The following ARHGEF1 variants were observed in gnomAD, a reference collection of about 807,000 sequenced individuals.
ARHGEF1 encodes Rho guanine nucleotide exchange factor 1, also known as 115 kDa guanine nucleotide exchange factor.
In ARHGEF1, 40 loss-of-function variants were observed where a neutral mutation model predicts 119.7. The observed-to-expected ratio is 0.33, with a 90% CI of 0.26 to 0.44. The LOEUF (loss-of-function observed/expected upper bound fraction) is 0.44, where lower values mean the gene tolerates loss of function less well. Among genes scored for constraint, ARHGEF1 ranks in the 20% least tolerant of loss-of-function variants. The probability of loss-of-function intolerance (pLI) is 1.00; values close to 1 mark genes in which losing one functional copy is unlikely to be tolerated. For synonymous variants in ARHGEF1, 494 were observed against 521.0 expected (o/e 0.95, Z 0.71); for missense variants, 976 against 1,268.3 (o/e 0.77, Z 3.50).
intron 12 of ARHGEF1, among the ~76,000 whole-genome samples, chr19:41,896,039 A>G (rs1200332565): frequency 6.6e-6 from 1 of 152,144 alleles, no homozygotes; most frequent in Non-Finnish European, 1.5e-5. Flanking sequence ...GGATGAATGG[A>G]CGTGGAGGCA....
chr19:41,898,211 G>A (rs782150977), intron 13 of ARHGEF1: 24 of 1,375,630 alleles, frequency 1.7e-5, no homozygotes, highest in South Asian at 4.6e-5. Context: ...GTTGGAGACC[G>A]AGGTCATTGA....
rs782019492 is a variant in ARHGEF1 at position 41,903,450 on chromosome 19, G to A, written c.1839+43G>A. 2 of 1,581,802 alleles carry A rather than the reference G, an allele frequency of 1.3e-6. No homozygotes were observed. The highest frequency in any genetic ancestry group is 1.7e-6 in the Non-Finnish European group (2 of 1,152,936). On this transcript the variant is annotated intron_variant, in intron 19 of 28. Transcript: ENST00000354532. The surrounding 1 kb of genome is among the most constrained non-coding windows in gnomAD (Gnocchi z 4.2). ...CCACACCCGGGACAGTGGATGGTGT[G>A]AGAGCAGGGGGTGGACCCTACCTCA...
chr19:41,918,800 TAC>T (rs1339674304), upstream of ARHGEF1, among the ~76,000 whole-genome samples: 8 of 131,390 alleles, frequency 6.1e-5, no homozygotes, highest in South Asian at 7.5e-4. Flanking sequence ...ATACACACCA[TAC>T]ACACACACCA....
downstream of ARHGEF1, chr19:41,908,379 C>G (rs1234997514): frequency 3.2e-6 from 4 of 1,231,248 alleles, no homozygotes; most frequent in Admixed American, 8.4e-5. The surrounding 1 kb of genome is among the most constrained non-coding windows in gnomAD (Gnocchi z 6.7). Flanking sequence ...CTCTGGACCC[C>G]CAGCCCCTGG....
rs144745694 is a variant in ARHGEF1 at position 41,905,946 on chromosome 19, C to T, written c.2412C>T (p.Thr804=). The change falls in exon 26 of 29, where the codon ACC becomes ACT. Residue 804 remains threonine, a synonymous_variant. Transcript: ENST00000354532. This position sits in a 1 kb window ranked among gnomAD's most constrained non-coding sequence, Gnocchi z 6.4. ...GRETSPADAR[T]ERILSDLLPF... is the part of the protein sequence containing the mutation. ...CTCTGTTCCCCAATCCAGCCCGGAC[C>T]GAGAGAATCCTCAGTGACCTCCTGC... The T allele has an allele frequency of 1.3e-3, 2,101 of 1,614,108 alleles. 1 individual carries two copies. Among genetic ancestry groups the T allele is most frequent in the Non-Finnish European group, 1.6e-3 (1,862 of 1,179,998 alleles).
chr19:41,884,332 G>T lies in ARHGEF1; in HGVS notation c.-20+1043G>T. On this transcript the variant is annotated intron_variant, in intron 1 of 28. Coordinates refer to ENST00000354532, the MANE Select transcript of ARHGEF1 (RefSeq NM_004706.4). Reference sequence around the variant, plus strand: ...GAGTCGTCGGGGCCGGAGCCCGGCAGGAGCCGGGCTAGAGCGGCTGGCAGG... The same window carrying T: ...GAGTCGTCGGGGCCGGAGCCCGGCATGAGCCGGGCTAGAGCGGCTGGCAGG... The T allele has an allele frequency of 2.3e-6, 3 of 1,295,832 alleles. No homozygotes were observed. In the Admixed American group the frequency reaches 6.6e-5, roughly 28 times the overall value. The allele number at this position is 1,295,832 out of a possible 1,614,324, so 80.3% of individuals were successfully genotyped here. A position where few individuals can be genotyped will look rare whatever the true frequency, so the allele number is the denominator to read the frequency against.
At chr19:41,920,374 G>A (rs1047495613), upstream of ARHGEF1, among the ~76,000 whole-genome samples, 7 of 130,860 alleles carry the variant, frequency 5.3e-5, no homozygotes, top group Admixed American at 5.0e-4. Context: ...GACATGACAT[G>A]TTCACAGACA....
At chr19:41,929,154 A>G (rs2074890676) in intron 2 of ARHGEF1, among the ~76,000 whole-genome samples, 1 of 151,956 alleles carries the variant, frequency 6.6e-6, no homozygotes, top group Non-Finnish European at 1.5e-5. Context: ...CACACAGAGA[A>G]ACATATGCAC....
upstream of ARHGEF1, among the ~76,000 whole-genome samples, chr19:41,921,669 G>A (rs553870953): frequency 8.5e-5 from 13 of 152,208 alleles, no homozygotes; most frequent in South Asian, 2.1e-4. This position sits in a 1 kb window ranked among gnomAD's most constrained non-coding sequence, Gnocchi z 4.4. Flanking sequence ...GCAGAGATGC[G>A]GAAAATTGAG....
At position 41,903,527 on chromosome 19, in the gene ARHGEF1, C is replaced by CCG; in HGVS notation, c.1839+120_1839+121insCG. ...CTTGGCTTGTCTCCCTCAAGGGTCA[C>CCG]TGTGTCCAGGGGTTGGCTTGGCCCT... On this transcript the variant is annotated intron_variant, in intron 19 of 28. Coordinates refer to ENST00000354532, the MANE Select transcript of ARHGEF1 (RefSeq NM_004706.4). This position sits in a 1 kb window ranked among gnomAD's most constrained non-coding sequence, Gnocchi z 4.2. 9.3e-7 allele frequency: 1 copy of CCG among 1,074,762 alleles called. No homozygotes were observed. Among genetic ancestry groups the CCG allele is most frequent in the Admixed American group, 2.0e-5 (1 of 49,470 alleles). 66.6% of individuals were successfully genotyped at this position (1,074,762 alleles called of 1,614,324 possible).
exon 1 of ARHGEF1, chr19:41,923,172 G>A (rs902671004): frequency 5.0e-5 from 23 of 456,356 alleles, no homozygotes; most frequent in African/African-American, 4.6e-4. Flanking sequence ...CTGAGGTTCT[G>A]ACAGGAAAAG....
chr19:41,902,704 G>A lies in ARHGEF1; in HGVS notation c.1623+46G>A. On this transcript the variant is annotated intron_variant, in intron 17 of 28. Transcript: ENST00000354532. The surrounding 1 kb of genome is among the most constrained non-coding windows in gnomAD (Gnocchi z 6.5). ...CAGCTTCCCAGGGAGGAGGGGCCTGGAGACCCAGACTCCTAGGTGCCTGCG... is the reference window on the plus strand; with the variant it reads ...CAGCTTCCCAGGGAGGAGGGGCCTGAAGACCCAGACTCCTAGGTGCCTGCG... 6.2e-7 allele frequency: 1 copy of A among 1,613,552 alleles called. No homozygotes were observed. Among genetic ancestry groups the A allele is most frequent in the Non-Finnish European group, 8.5e-7 (1 of 1,179,734 alleles).
downstream of ARHGEF1, chr19:41,909,895 G>C (rs1424527647): frequency 1.9e-6 from 3 of 1,613,418 alleles, no homozygotes; most frequent in East Asian, 2.2e-5. This position sits in a 1 kb window ranked among gnomAD's most constrained non-coding sequence, Gnocchi z 5.2. Context: ...CGTAATTCAT[G>C]TGGGGCTTGC....
Position 41,905,965 on chromosome 19 carries a change from C to G in ARHGEF1, c.2431C>G (p.Leu811Val), listed in dbSNP as rs782422009. The G allele has an allele frequency of 1.2e-6, 2 of 1,614,152 alleles. No individual in the cohort carries two copies. The highest frequency in any genetic ancestry group is 1.7e-6 in the Non-Finnish European group (2 of 1,180,036). ...DARTERILSD[L>V]LPFCRPGPEG... Reference sequence around the variant, plus strand: ...CCGGACCGAGAGAATCCTCAGTGACCTCCTGCCCTTCTGCAGACCAGGCCC... The same window carrying G: ...CCGGACCGAGAGAATCCTCAGTGACGTCCTGCCCTTCTGCAGACCAGGCCC... The change falls in exon 26 of 29, where the codon CTC becomes GTC. Residue 811 changes from leucine (L) to valine (V), a missense_variant. By Grantham distance (32) the Leu-to-Val change is conservative (BLOSUM62 1). Transcript: ENST00000354532. The surrounding 1 kb of genome is among the most constrained non-coding windows in gnomAD (Gnocchi z 6.4).
At chr19:41,911,810 T>TA (rs1417088325), downstream of ARHGEF1, among the ~76,000 whole-genome samples, 1 of 151,966 alleles carries the variant, frequency 6.6e-6, no homozygotes, top group African/African-American at 2.4e-5. Context: ...CACCCTCAAA[T>TA]ATGTTGTACC....
chr19:41,899,744 C>G (rs2074569610), intron 14 of ARHGEF1, among the ~76,000 whole-genome samples: 1 of 152,050 alleles, frequency 6.6e-6, no homozygotes, highest in South Asian at 2.1e-4. Flanking sequence ...CCCGCCTCAG[C>G]CTCCCAAAGT....
chr19:41,923,065 C>G (rs1555852765), upstream of ARHGEF1: 1 of 444,384 alleles, frequency 2.3e-6, no homozygotes, highest in African/African-American at 2.0e-5. Context: ...AGCGCCCCCT[C>G]TGACCCAGGC....
rs189339564 is a variant in ARHGEF1, at chr19:41,924,768, G to A, written c.140+1535G>A. ...AACACATGCTACAGGTGTTATGCACGTGGAGGAAGGCGCTCCTCGAGGAGA... is the reference window on the plus strand; with the variant it reads ...AACACATGCTACAGGTGTTATGCACATGGAGGAAGGCGCTCCTCGAGGAGA... On this transcript the variant is annotated intron_variant, in intron 1 of 2. Transcript: ENST00000594417. Among the ~76,000 whole-genome samples, 124 of 152,280 alleles carry A rather than the reference G, an allele frequency of 8.1e-4. 2 individuals are homozygous for A. Among genetic ancestry groups the A allele is most frequent in the African/African-American group, 2.8e-3 (115 of 41,546 alleles).
intron 18 of ARHGEF1, among the ~76,000 whole-genome samples, chr19:41,915,862 G>C (rs996066199): frequency 7.2e-5 from 11 of 152,194 alleles, no homozygotes; most frequent in African/African-American, 2.4e-4. Context: ...GGGCCTGGCA[G>C]GACGGCCGGA....
Sources: gnomAD v4.1 joint callset for allele counts (sites outside exome capture counted in the v4.1 genomes callset) on GRCh38, gnomAD v4.1.1 for gene constraint, Gnocchi (gnomAD v3.1) non-coding constraint, MANE v1.5 for transcripts, NCBI Gene and HGNC (gene_info 2026-07-23, HGNC 2026-07-21) for gene names.